Variants in SYTL5 observed in about 807,000 individuals in gnomAD.
The protein encoded by SYTL5 is synaptotagmin-like protein 5.
Under a neutral mutation model 55.9 loss-of-function variants are expected in SYTL5, and 34 were observed. The observed-to-expected ratio is 0.61, with a 90% CI of 0.46 to 0.81. SYTL5 has a LOEUF of 0.81. SYTL5 is among the 30% of genes least tolerant of loss of function. SYTL5 has a pLI of 0.00. For synonymous variants in SYTL5, 221 were observed against 188.7 expected (o/e 1.17, Z -1.40); for missense variants, 637 against 546.7 (o/e 1.17, Z -1.65).
the SYTL5 span, among the ~76,000 whole-genome samples, chrX:37,905,438 T>TGG: frequency 2.2e-5 from 1 of 46,247 alleles, no homozygotes; most frequent in African/African-American, 5.4e-5. Flanking sequence ...TGTGTGTGTG[T>TGG]GGGGGGGGCG....
the SYTL5 span, among the ~76,000 whole-genome samples, chrX:37,977,700 TCACACACACACACACA>T: frequency 4.8e-5 from 4 of 82,556 alleles, no homozygotes; most frequent in Non-Finnish European, 7.3e-5. Flanking sequence ...GGACCAATGA[TCACACACACACACACA>T]CACACACACA....
intron 7 of SYTL5, among the ~76,000 whole-genome samples, chrX:38,090,650 A>G (rs1321173378): frequency 8.9e-6 from 1 of 112,167 alleles, no homozygotes; most frequent in Non-Finnish European, 1.9e-5. Context: ...CTACTATATG[A>G]CAGGCTCTAG....
chrX:37,899,754 T>A, the SYTL5 span, among the ~76,000 whole-genome samples: 1 of 111,821 alleles, frequency 8.9e-6, no homozygotes, highest in Non-Finnish European at 1.9e-5. Context: ...GTGAGACCTT[T>A]TTTTAATATA....
chrX:37,934,783 G>A, the SYTL5 span, among the ~76,000 whole-genome samples: 2 of 109,388 alleles, frequency 1.8e-5, no homozygotes, highest in Admixed American at 2.0e-4. Flanking sequence ...ACAGGCACCC[G>A]CCACCACACC....
At chrX:38,023,780 T>A (rs1229422452) in intron 1 of SYTL5, 1 of 111,289 alleles carries the variant, frequency 9.0e-6, no homozygotes, top group Non-Finnish European at 1.9e-5. Context: ...TTTCAAATCT[T>A]TCTCTTTTGA....
the SYTL5 span, among the ~76,000 whole-genome samples, chrX:37,955,492 C>T: frequency 1.8e-5 from 2 of 111,822 alleles, no homozygotes; most frequent in Non-Finnish European, 3.8e-5. Flanking sequence ...AATTATCTGC[C>T]AACATCGTCT....
the SYTL5 span, among the ~76,000 whole-genome samples, chrX:37,924,285 G>T: frequency 9.0e-6 from 1 of 111,166 alleles, no homozygotes; most frequent in Non-Finnish European, 1.9e-5. Flanking sequence ...GATACTTAAC[G>T]ACTATATGGT....
the SYTL5 span, among the ~76,000 whole-genome samples, chrX:37,919,416 A>G: frequency 3.6e-5 from 4 of 111,806 alleles, no homozygotes; most frequent in Non-Finnish European, 5.6e-5. Flanking sequence ...AGTATATTGT[A>G]TATTCTTATA....
At chrX:38,113,499 G>A (rs1937409877) in intron 13 of SYTL5, among the ~76,000 whole-genome samples, 1 of 111,379 alleles carries the variant, frequency 9.0e-6, no homozygotes, top group African/African-American at 3.3e-5. Flanking sequence ...TCACTCCGAT[G>A]GAAAGTGGAC....
chrX:37,998,989 T>C, the SYTL5 span, among the ~76,000 whole-genome samples: 1 of 112,454 alleles, frequency 8.9e-6, no homozygotes, highest in Non-Finnish European at 1.9e-5. Context: ...CTATTTTTCA[T>C]GTTCTATTTA....
chrX:37,897,498 T>TGAGGGCA, the SYTL5 span, among the ~76,000 whole-genome samples: 1 of 99,197 alleles, frequency 1.0e-5, no homozygotes, highest in Non-Finnish European at 2.0e-5. Flanking sequence ...AAAAAAAAAA[T>TGAGGGCA]GAGGGCAGAG....
chrX:38,084,019 C>T (rs145101756), intron 6 of SYTL5, among the ~76,000 whole-genome samples: 2,555 of 110,611 alleles, frequency 0.023, 46 homozygotes, highest in Non-Finnish European at 0.036. Flanking sequence ...ACCCTCATTC[C>T]GGAAACCCTG....
chrX:38,085,641 A>G (rs760503188), intron 6 of SYTL5, among the ~76,000 whole-genome samples: 1 of 111,738 alleles, frequency 8.9e-6, no homozygotes, highest in African/African-American at 3.3e-5. Flanking sequence ...GTTGTACTGC[A>G]CATTAGTCTC....
the SYTL5 span, among the ~76,000 whole-genome samples, chrX:37,997,066 G>A: frequency 9.3e-4 from 104 of 112,287 alleles, no homozygotes; most frequent in South Asian, 4.5e-3. Context: ...AAAATGTCTC[G>A]GTATATATGT....
chrX:38,122,696 C>G (rs1270643844), intron 15 of SYTL5, among the ~76,000 whole-genome samples: 1 of 112,051 alleles, frequency 8.9e-6, no homozygotes, highest in Non-Finnish European at 1.9e-5. Context: ...TCCAAGACCA[C>G]CTGCTAGGCA....
At chrX:37,942,617 C>T in the SYTL5 span, among the ~76,000 whole-genome samples, 21 of 111,843 alleles carry the variant, frequency 1.9e-4, no homozygotes, top group African/African-American at 6.5e-4. Flanking sequence ...CAGGTCTTCT[C>T]TATCCGTTCT....
chrX:37,893,507 GTA>G, the SYTL5 span, among the ~76,000 whole-genome samples: 2 of 89,009 alleles, frequency 2.2e-5, no homozygotes, highest in African/African-American at 4.2e-5. Context: ...TCTATAGATT[GTA>G]TATATAATCT....
chrX:38,040,875 T>C (rs1202104949), intron 2 of SYTL5, among the ~76,000 whole-genome samples: 1 of 111,687 alleles, frequency 9.0e-6, no homozygotes, highest in Admixed American at 9.5e-5. Flanking sequence ...CAATTTGTAG[T>C]TTCTTGAGGA....
At chrX:38,026,211 C>T (rs944040495) in intron 1 of SYTL5, among the ~76,000 whole-genome samples, 5 of 112,457 alleles carry the variant, frequency 4.4e-5, no homozygotes, top group African/African-American at 1.6e-4. Flanking sequence ...TCACCTAGCT[C>T]CTTAGATCTT....
Sources: allele counts gnomAD v4.1 joint callset (sites outside exome capture counted in the v4.1 genomes callset), GRCh38; gene constraint gnomAD v4.1.1; transcripts MANE v1.5; gene names NCBI Gene and HGNC (gene_info 2026-07-23, HGNC 2026-07-21).